The following MYBL2 variants were observed in gnomAD, a reference collection of about 807,000 sequenced individuals.
MYBL2 encodes the protein myb-related protein B.
In MYBL2, 28 loss-of-function variants were observed where a neutral mutation model predicts 79.9. The ratio of observed to expected loss-of-function variants is 0.35; its 90% CI spans 0.26 to 0.48. The LOEUF (loss-of-function observed/expected upper bound fraction) is 0.48, where lower values mean the gene tolerates loss of function less well. Ranked by LOEUF, MYBL2 falls within the 20% of genes least tolerant of loss-of-function variation. MYBL2 has a pLI of 0.99. For synonymous variants in MYBL2, 378 were observed against 361.2 expected, an observed-to-expected ratio of 1.05 and a Z score of -0.53; for missense variants, 735 against 893.9, an observed-to-expected ratio of 0.82 and a Z score of 2.27.
chr20:43,699,674 T>C, intron 6 of MYBL2, 83 bp from the exon 7 acceptor site: 1 of 1,430,338 alleles, frequency 7.0e-7, no homozygotes, highest in Non-Finnish European at 9.5e-7. Flanking sequence ...CCTTCTTAGA[T>C]TCAGGTTGTG....
chr20:43,688,940 C>T (rs1987342440), intron 5 of MYBL2, among the ~76,000 whole-genome samples: 1 of 152,144 alleles, frequency 6.6e-6, no homozygotes, highest in Admixed American at 6.5e-5. Context: ...TAGGCGCCCG[C>T]CACCACACCT....
chr20:43,702,986 G>A, intron 8 of MYBL2, 83 bp downstream of exon 8: 1 of 1,422,380 alleles, frequency 7.0e-7, no homozygotes, highest in Admixed American at 2.2e-5. Flanking sequence ...AGCAAAACGA[G>A]ACCTGGCTCT....
intron 10 of MYBL2, 75 bp downstream of exon 10, chr20:43,710,137 C>T: frequency 8.5e-7 from 1 of 1,180,670 alleles, no homozygotes; most frequent in South Asian, 1.7e-5. Context: ...GTTCAGTCCA[C>T]AGGACCCTTC....
At chr20:43,679,026 G>C (rs1987084361) in intron 2 of MYBL2, among the ~76,000 whole-genome samples, 1 of 152,104 alleles carries the variant, frequency 6.6e-6, no homozygotes, top group African/African-American at 2.4e-5. Flanking sequence ...TGGGTGGGAA[G>C]AATGTAAGTT....
chr20:43,713,876 C>A (rs1056715034), intron 12 of MYBL2, among the ~76,000 whole-genome samples: 1 of 152,158 alleles, frequency 6.6e-6, no homozygotes, highest in Non-Finnish European at 1.5e-5. Context: ...CCTCTCTGCT[C>A]ACAATGGGGT....
chr20:43,675,814 A>G, intron 2 of MYBL2, among the ~76,000 whole-genome samples: 1 of 150,696 alleles, frequency 6.6e-6, no homozygotes, highest in Admixed American at 6.6e-5. Flanking sequence ...TCAGGGGTAT[A>G]TGTGCAGGTT....
chr20:43,688,450 C>T (rs545736746), intron 5 of MYBL2, among the ~76,000 whole-genome samples: 2 of 152,218 alleles, frequency 1.3e-5, no homozygotes, highest in East Asian at 1.9e-4. Flanking sequence ...CCACCTCAGC[C>T]TCACAAAGTG....
chr20:43,686,191 C>G (rs985157628), intron 4 of MYBL2, among the ~76,000 whole-genome samples: 1 of 152,222 alleles, frequency 6.6e-6, no homozygotes, highest in Non-Finnish European at 1.5e-5. Context: ...ATCCACTCTT[C>G]CCAGTTTCTT....
intron 2 of MYBL2, 80 bp from the exon 3 acceptor site, chr20:43,681,704 T>TA: frequency 7.1e-7 from 1 of 1,417,422 alleles, no homozygotes; most frequent in Non-Finnish European, 1.0e-6. Context: ...GCTGTTCTTT[T>TA]AGATTGGGCT....
intron 1 of MYBL2, among the ~76,000 whole-genome samples, chr20:43,672,959 T>A (rs936817970): frequency 2.0e-5 from 3 of 152,170 alleles, no homozygotes; most frequent in Non-Finnish European, 4.4e-5. Flanking sequence ...TCCTTTTCTT[T>A]TTTTGAGACA....
At chr20:43,715,666 C>G (rs934080843) in intron 13 of MYBL2, among the ~76,000 whole-genome samples, 5 of 152,186 alleles carry the variant, frequency 3.3e-5, no homozygotes, top group Admixed American at 1.3e-4. Context: ...TGACCCGTCT[C>G]ACTGCTCCTT....
intron 1 of MYBL2, among the ~76,000 whole-genome samples, chr20:43,669,806 A>G (rs80188388): frequency 6.6e-6 from 1 of 152,222 alleles, no homozygotes; most frequent in Non-Finnish European, 1.5e-5. Context: ...GAAATGCCCC[A>G]GCTGTCTGAG....
At chr20:43,697,499 TG>T (rs1220482119) in intron 6 of MYBL2, among the ~76,000 whole-genome samples, 1 of 152,084 alleles carries the variant, frequency 6.6e-6, no homozygotes, top group Non-Finnish European at 1.5e-5. Flanking sequence ...TAGTCCCAGC[TG>T]CTCAGGAGGC....
intron 1 of MYBL2, 24 bp downstream of exon 1, chr20:43,667,327 GGCCCCTCCCCCTCCCTTTAACTC>G: frequency 8.1e-7 from 1 of 1,229,090 alleles, no homozygotes; most frequent in Non-Finnish European, 1.0e-6. Context: ...GGAGGGCTTG[GGCCCCTCCCCCTCCCTTTAACTC>G]ACCCCTCCCC....
chr20:43,669,876 A>T (rs1986817551), intron 1 of MYBL2, among the ~76,000 whole-genome samples: 2 of 152,226 alleles, frequency 1.3e-5, no homozygotes, highest in African/African-American at 4.8e-5. Context: ...CTGTAATCCC[A>T]GCACTTTGGG....
chr20:43,713,107 G>A lies in MYBL2; in HGVS notation c.1824+1G>A. 6.2e-7 allele frequency: 1 copy of A among 1,609,398 alleles called. No homozygotes were observed. Among genetic ancestry groups the A allele is most frequent in the East Asian group, 2.2e-5 (1 of 44,836 alleles). On this transcript the variant is annotated splice_donor_variant, in intron 12 of 13. Transcript: ENST00000217026. LOFTEE classifies it high-confidence loss of function. ...CACACTGCCCAAGTCTCTATCCTTG[G>A]TAAGGCTTCTGCTCCTTGGAACTGT...
At chr20:43,683,943 G>C (rs1256710779) in intron 4 of MYBL2, among the ~76,000 whole-genome samples, 1 of 151,734 alleles carries the variant, frequency 6.6e-6, no homozygotes, top group East Asian at 1.9e-4. Context: ...TTTTTTGATT[G>C]ATTGAGGCGG....
At chr20:43,710,494 G>A (rs2145734641) in intron 10 of MYBL2, among the ~76,000 whole-genome samples, 1 of 152,332 alleles carries the variant, frequency 6.6e-6, no homozygotes, top group Non-Finnish European at 1.5e-5. Context: ...TTCCTGCAGT[G>A]TGCAGGCTGC....
intron 9 of MYBL2, 91 bp from the exon 10 acceptor site, chr20:43,709,872 G>T (rs934840121): frequency 1.9e-6 from 2 of 1,065,664 alleles, no homozygotes; most frequent in South Asian, 1.6e-5. Flanking sequence ...GGGGCCAAAG[G>T]TCGCACTGGG....
Sources: gnomAD v4.1 joint callset for allele counts (sites outside exome capture counted in the v4.1 genomes callset) on GRCh38, gnomAD v4.1.1 for gene constraint, MANE v1.5 for transcripts, NCBI Gene and HGNC (gene_info 2026-07-23, HGNC 2026-07-21) for gene names.